ABCD3: variants seen among roughly 807,000 people sequenced by gnomAD.
The protein encoded by ABCD3 is ATP-binding cassette sub-family D member 3.
A neutral mutation model predicts 105.5 loss-of-function variants in ABCD3; 41 were observed. That is an observed-to-expected ratio of 0.39 (90% CI 0.30 to 0.50). ABCD3 has a LOEUF of 0.50. Among genes scored for constraint, ABCD3 ranks in the 20% least tolerant of loss-of-function variants. The pLI, the probability that ABCD3 is intolerant of heterozygous loss-of-function variation, is 0.84. For synonymous variants in ABCD3, 258 were observed against 269.0 expected (o/e 0.96, Z 0.40); for missense variants, 622 against 806.3 (o/e 0.77, Z 2.77).
the ABCD3 span, among the ~76,000 whole-genome samples, chr1:94,403,717 G>A: frequency 1.3e-5 from 2 of 152,108 alleles, no homozygotes; most frequent in Non-Finnish European, 2.9e-5. Context: ...TGGTCTGGAG[G>A]AGCCTTTTCA....
At chr1:94,470,878 T>A (rs1172142160) in intron 4 of ABCD3, among the ~76,000 whole-genome samples, 1 of 152,224 alleles carries the variant, frequency 6.6e-6, no homozygotes, top group Non-Finnish European at 1.5e-5. Flanking sequence ...TTTATAGCAA[T>A]CATTCTTTTA....
chr1:94,472,196 C>A, intron 4 of ABCD3: 3 of 978,728 alleles, frequency 3.1e-6, no homozygotes, highest in Non-Finnish European at 3.6e-6. Context: ...AGAAATAAGG[C>A]TTTATTCAAG....
At chr1:94,439,860 T>C (rs1366573148) in intron 1 of ABCD3, among the ~76,000 whole-genome samples, 2 of 152,170 alleles carry the variant, frequency 1.3e-5, no homozygotes, top group Non-Finnish European at 2.9e-5. Flanking sequence ...AGCATTGGCT[T>C]CTTGTACTTC....
chr1:94,465,732 C>T (rs1466758928), intron 3 of ABCD3, among the ~76,000 whole-genome samples: 1 of 152,138 alleles, frequency 6.6e-6, no homozygotes, highest in African/African-American at 2.4e-5. Flanking sequence ...GCTGCTTATA[C>T]GAATAGTTGT....
chr1:94,506,679 C>T lies in ABCD3; in HGVS notation c.1845+37C>T, dbSNP rs762913815. 4.1e-6 allele frequency: 6 copies of T among 1,448,022 alleles called. No individual in the cohort carries two copies. The Admixed American group carries it at 6.7e-5, about 16-fold the overall frequency. 89.7% of individuals were successfully genotyped at this position (1,448,022 alleles called of 1,614,324 possible). ...GGTGCTCAGTTTGAGGAGCCATGGC[C>T]TCCTACCTAGTGTAAACTATGTCCA... On this transcript the variant is annotated intron_variant, in intron 21 of 22. Transcript: ENST00000370214.
At chr1:94,488,768 A>G (rs1649389870) in intron 13 of ABCD3, among the ~76,000 whole-genome samples, 1 of 151,940 alleles carries the variant, frequency 6.6e-6, no homozygotes, top group South Asian at 2.1e-4. Flanking sequence ...TTATGGCTTT[A>G]CAGTTCATGG....
At chr1:94,511,095 T>C (rs1027946300) in intron 21 of ABCD3, among the ~76,000 whole-genome samples, 1 of 152,176 alleles carries the variant, frequency 6.6e-6, no homozygotes, top group African/African-American at 2.4e-5. Flanking sequence ...CTCGATGGTC[T>C]TTACATTTTG....
chr1:94,395,853 GACAA>G, the ABCD3 span, among the ~76,000 whole-genome samples: 1 of 151,454 alleles, frequency 6.6e-6, no homozygotes, highest in African/African-American at 2.4e-5. Context: ...GAGAGAGAGA[GACAA>G]AGAGACACAC....
chr1:94,425,835 G>GTA (rs1659447189), intron 1 of ABCD3, among the ~76,000 whole-genome samples: 1 of 152,120 alleles, frequency 6.6e-6, no homozygotes, highest in Admixed American at 6.5e-5. Flanking sequence ...TATTATGGAG[G>GTA]TAGTTTGGCA....
upstream of ABCD3, among the ~76,000 whole-genome samples, chr1:94,413,400 T>G (rs1436461702): frequency 1.3e-5 from 2 of 152,210 alleles, no homozygotes; most frequent in Admixed American, 6.5e-5. Context: ...GGCAGAAGCC[T>G]GAACAGGATG....
chr1:94,499,786 A>G (rs1557688732), intron 20 of ABCD3, among the ~76,000 whole-genome samples, 172 bp downstream of exon 20: 1 of 152,208 alleles, frequency 6.6e-6, no homozygotes, highest in Admixed American at 6.5e-5. Flanking sequence ...TAAATTTGGA[A>G]TTCTGAAAAA....
In ABCD3 at chr1:94,423,234, G is replaced by A. The variant is rs538050266; in HGVS notation, c.110+4646G>A. Among the ~76,000 whole-genome samples, 37 of 152,314 alleles carry A rather than the reference G, an allele frequency of 2.4e-4. 1 individual carries two copies. In the South Asian group the frequency reaches 7.7e-3, roughly 32 times the overall value. On this transcript the variant is annotated intron_variant, in intron 1 of 22. Coordinates refer to ENST00000370214, the MANE Select transcript of ABCD3 (RefSeq NM_002858.4). ...GAAGTGTTATTTAACTACTCCAGATGATCTAAATGATGATCACCTCTTTTA... is the reference window on the plus strand; with the variant it reads ...GAAGTGTTATTTAACTACTCCAGATAATCTAAATGATGATCACCTCTTTTA...
At chr1:94,402,146 G>A in the ABCD3 span, among the ~76,000 whole-genome samples, 1 of 152,234 alleles carries the variant, frequency 6.6e-6, no homozygotes, top group Non-Finnish European at 1.5e-5. Context: ...TTATTGAAGA[G>A]TAATGTTTCA....
At chr1:94,403,174 T>C in the ABCD3 span, among the ~76,000 whole-genome samples, 120 of 152,144 alleles carry the variant, frequency 7.9e-4, no homozygotes, top group African/African-American at 2.8e-3. Context: ...TTCCTCCCTT[T>C]TTAAACAAAA....
At position 94,418,467 on chromosome 1, in the gene ABCD3, A is replaced by G; in HGVS notation, c.-12A>G. On this transcript the variant is annotated 5_prime_UTR_variant, in exon 1 of 23. Transcript: ENST00000370214. ...CGCGTCCCCTCGCCGGCTCGCTGGT[A>G]CCGGCAGTGCCATGGCGGCCTTCAG... 1 of 1,589,760 alleles carries G rather than the reference A, an allele frequency of 6.3e-7. No individual in the cohort carries two copies. Among genetic ancestry groups the G allele is most frequent in the Non-Finnish European group, 8.5e-7 (1 of 1,172,688 alleles).
chr1:94,448,481 T>G (rs924292463), intron 1 of ABCD3, among the ~76,000 whole-genome samples: 3 of 152,260 alleles, frequency 2.0e-5, no homozygotes, highest in Non-Finnish European at 4.4e-5. Flanking sequence ...CGGTAAAGCT[T>G]CTTATTTTGG....
intron 6 of ABCD3, 129 bp from the exon 7 acceptor site, chr1:94,475,485 G>A (rs1210167884): frequency 2.1e-6 from 2 of 963,836 alleles, no homozygotes; most frequent in East Asian, 5.1e-5. Flanking sequence ...GCAATCAATA[G>A]GATCTCTTCT....
chr1:94,427,261 C>G (rs1285386824), intron 1 of ABCD3, among the ~76,000 whole-genome samples: 1 of 152,092 alleles, frequency 6.6e-6, no homozygotes, highest in African/African-American at 2.4e-5. Flanking sequence ...AAGGTAGACC[C>G]TAGAACTGTA....
the ABCD3 span, among the ~76,000 whole-genome samples, chr1:94,396,607 G>GTT: frequency 6.6e-6 from 1 of 151,190 alleles, no homozygotes; most frequent in East Asian, 2.0e-4. Context: ...GTGTGTGTGT[G>GTT]TGTGCGCGCG....
Sources: allele counts gnomAD v4.1 joint callset (sites outside exome capture counted in the v4.1 genomes callset), GRCh38; gene constraint gnomAD v4.1.1; transcripts MANE v1.5; gene names NCBI Gene and HGNC (gene_info 2026-07-23, HGNC 2026-07-21).